The following OSBPL3 variants were observed in gnomAD, a reference collection of about 807,000 sequenced individuals.
OSBPL3 encodes the protein oxysterol-binding protein-related protein 3.
In OSBPL3, 65 loss-of-function variants were observed where a neutral mutation model predicts 120.1. The ratio of observed to expected loss-of-function variants is 0.54; its 90% CI spans 0.44 to 0.67. The LOEUF is 0.67. Ranked by LOEUF, OSBPL3 falls within the 30% of genes least tolerant of loss-of-function variation. OSBPL3 has a pLI of 0.00. For synonymous variants in OSBPL3, 416 were observed against 402.6 expected, an observed-to-expected ratio of 1.03 and a Z score of -0.40; for missense variants, 1,004 against 1,082.1, an observed-to-expected ratio of 0.93 and a Z score of 1.01.
chr7:24,860,291 T>C (rs1013007683), intron 10 of OSBPL3, among the ~76,000 whole-genome samples: 3 of 152,202 alleles, frequency 2.0e-5, no homozygotes, highest in Non-Finnish European at 4.4e-5. Flanking sequence ...AAAACATTTA[T>C]GTAAGTGGAA....
intron 20 of OSBPL3, among the ~76,000 whole-genome samples, 160 bp from the exon 21 acceptor site, chr7:24,807,062 T>G (rs1337026759): frequency 1.3e-5 from 2 of 152,240 alleles, no homozygotes; most frequent in African/African-American, 2.4e-5. Context: ...ACTGAACATT[T>G]CTCTATAAAT....
intron 5 of OSBPL3, among the ~76,000 whole-genome samples, chr7:24,868,431 C>T (rs138530383): frequency 1.3e-5 from 2 of 149,082 alleles, no homozygotes; most frequent in African/African-American, 5.0e-5. Context: ...ATGATAGATA[C>T]CCACATATTA....
At chr7:24,812,240 G>T (rs557318817) in intron 19 of OSBPL3, among the ~76,000 whole-genome samples, 1 of 150,524 alleles carries the variant, frequency 6.6e-6, no homozygotes, top group African/African-American at 2.4e-5. Context: ...CCGGGAGGCG[G>T]AAGTTGCTGT....
Position 24,892,447 on chromosome 7 carries a change from C to T in OSBPL3, c.26G>A (p.Gly9Asp), listed in dbSNP as rs770024340. ...AGGTGATACCAATTTTTGGGACACA[C>T]CAAGGTTCTTCTCATCACTCATCAT... Reference protein sequence around the residue: MMSDEKNLGVSQKLVSPSR... With the variant: MMSDEKNLDVSQKLVSPSR... Residue 9 changes from glycine (G) to aspartate (D), a missense_variant, in exon 2 of 23, where the codon GGT becomes GAT. Physicochemically the swap from Gly to Asp is moderately conservative, Grantham distance 94 (BLOSUM62 -1). Transcript: ENST00000313367. 14 of 1,613,516 alleles carry T rather than the reference C, an allele frequency of 8.7e-6. 1 individual carries two copies. The South Asian group carries it at 9.9e-5, about 11-fold the overall frequency.
At chr7:24,917,434 C>CAA (rs1809803998) in intron 1 of OSBPL3, among the ~76,000 whole-genome samples, 1 of 82,220 alleles carries the variant, frequency 1.2e-5, no homozygotes, top group African/African-American at 4.6e-5. Flanking sequence ...ATATTTGTAA[C>CAA]ATATATATAT....
rs1562990984 is a variant in OSBPL3, at chr7:24,938,833, G to GTGTGTGTGTT, written c.-150+41052_-150+41053insAACACACACA. Among the ~76,000 whole-genome samples the GTGTGTGTGTT allele has an allele frequency of 4.4e-5, 6 of 136,464 alleles. No homozygotes were observed. The highest frequency in any genetic ancestry group is 1.6e-4 in the African/African-American group (6 of 36,858). 89.5% of individuals were successfully genotyped at this position (136,464 alleles called of 152,430 possible). On this transcript the variant is annotated intron_variant, in intron 1 of 22. Coordinates refer to ENST00000313367, the MANE Select transcript of OSBPL3 (RefSeq NM_015550.4). The surrounding 1 kb of genome is among the most constrained non-coding windows in gnomAD (Gnocchi z 5.8). ...TGTGTGTGTGTGTGTGTGTGTGTGT[G>GTGTGTGTGTT]TTTTGAGAGCAAAACTAATGTGGCC...
chr7:24,845,409 A>G (rs921014055), intron 12 of OSBPL3, among the ~76,000 whole-genome samples: 5 of 147,602 alleles, frequency 3.4e-5, no homozygotes, highest in African/African-American at 5.0e-5. Context: ...AAAAAAAAAA[A>G]AAAAAGAAAA....
intron 2 of OSBPL3, among the ~76,000 whole-genome samples, chr7:24,889,045 T>C (rs1421312264): frequency 1.3e-5 from 2 of 152,136 alleles, no homozygotes; most frequent in Non-Finnish European, 1.5e-5. Flanking sequence ...ACTCCAAATA[T>C]GGCAAAAATA....
rs536254463 is a variant in OSBPL3 at position 24,884,582 on chromosome 7, A to T, written c.96+7795T>A. On this transcript the variant is annotated intron_variant, in intron 2 of 22. Transcript: ENST00000313367. ...TCCCAGCTGAAAAGATGAAGCAGGG[A>T]AGCAGCTGTGACATTGCTTAAGGGC... 2.6e-5 allele frequency among the ~76,000 whole-genome samples: 4 copies of T among 152,252 alleles called. No individual in the cohort carries two copies. In the East Asian group the frequency reaches 7.7e-4, roughly 29 times the overall value.
At chr7:24,889,407 A>G (rs1455423049) in intron 2 of OSBPL3, among the ~76,000 whole-genome samples, 2 of 152,208 alleles carry the variant, frequency 1.3e-5, no homozygotes, top group Non-Finnish European at 2.9e-5. Flanking sequence ...TGCATTATTC[A>G]CTTGAAATTG....
chr7:24,839,596 T>C (rs564972325), intron 14 of OSBPL3, among the ~76,000 whole-genome samples: 83 of 152,328 alleles, frequency 5.4e-4, no homozygotes, highest in Admixed American at 1.6e-3. Flanking sequence ...TCTTTTATTA[T>C]GTAAGTCCTA....
At chr7:24,843,295 G>C (rs1039459399) in intron 12 of OSBPL3, among the ~76,000 whole-genome samples, 1 of 152,194 alleles carries the variant, frequency 6.6e-6, no homozygotes, top group African/African-American at 2.4e-5. Flanking sequence ...GGGAGATTTT[G>C]TTTGAGGAGG....
intron 1 of OSBPL3, among the ~76,000 whole-genome samples, chr7:24,911,676 T>A (rs1057422258): frequency 1.3e-5 from 2 of 152,174 alleles, no homozygotes; most frequent in African/African-American, 4.8e-5. Flanking sequence ...TTTGGAGGTA[T>A]CCTTCCAAAA....
rs1197369599 is a variant in OSBPL3, at chr7:24,822,738, A to G, written c.1885-2500T>C. On this transcript the variant is annotated intron_variant, in intron 16 of 22. Transcript: ENST00000313367. The surrounding 1 kb of genome is among the most constrained non-coding windows in gnomAD (Gnocchi z 5.8). ...TTCTGTAATAATTTTAAACCCCATA[A>G]AACAGGGATAAATATACATCCATAT... is the stretch of plus-strand genomic sequence containing the variant. 6.6e-6 allele frequency among the ~76,000 whole-genome samples: 1 copy of G among 152,204 alleles called. No individual in the cohort carries two copies. Among genetic ancestry groups the G allele is most frequent in the Non-Finnish European group, 1.5e-5 (1 of 68,036 alleles).
At chr7:24,865,611 C>A in intron 6 of OSBPL3, 146 bp from the exon 7 acceptor site, 1 of 761,224 alleles carries the variant, frequency 1.3e-6, no homozygotes, top group Non-Finnish European at 2.1e-6. Flanking sequence ...AGTACTAAGA[C>A]CTCTGGCTAT....
chr7:24,875,382 T>C (rs1802705658), intron 2 of OSBPL3, among the ~76,000 whole-genome samples: 1 of 152,260 alleles, frequency 6.6e-6, no homozygotes, highest in African/African-American at 2.4e-5. Context: ...ACTTTCTATG[T>C]ATAGGTATAT....
At chr7:24,844,807 T>A (rs930261082) in intron 12 of OSBPL3, among the ~76,000 whole-genome samples, 1 of 151,838 alleles carries the variant, frequency 6.6e-6, no homozygotes, top group African/African-American at 2.4e-5. Flanking sequence ...CCTATTAACT[T>A]GCTGGTATTT....
At chr7:24,857,641 C>T (rs1449531334) in intron 10 of OSBPL3, among the ~76,000 whole-genome samples, 1 of 152,152 alleles carries the variant, frequency 6.6e-6, no homozygotes, top group Admixed American at 6.5e-5. Context: ...TTAGCCAGTA[C>T]AGAGGGAGCT....
chr7:24,824,061 CT>C lies in OSBPL3; in HGVS notation c.1885-3824del, dbSNP rs965823317. On this transcript the variant is annotated intron_variant, in intron 16 of 22. Coordinates refer to ENST00000313367, the MANE Select transcript of OSBPL3 (RefSeq NM_015550.4). This position sits in a 1 kb window ranked among gnomAD's most constrained non-coding sequence, Gnocchi z 4.9. The stretch of plus-strand genomic sequence containing the variant: ...GCCTGTTGAATAAACCCAATTTAGA[CT>C]TTTTTTTTAAGCATTCTTCCCTATC... Among the ~76,000 whole-genome samples the C allele has an allele frequency of 7.3e-5, 11 of 151,520 alleles. No homozygotes were observed. The highest frequency in any genetic ancestry group is 1.2e-4 in the Non-Finnish European group (8 of 67,856).
Sources: gnomAD v4.1 joint callset for allele counts (sites outside exome capture counted in the v4.1 genomes callset) on GRCh38, gnomAD v4.1.1 for gene constraint, Gnocchi (gnomAD v3.1) non-coding constraint, MANE v1.5 for transcripts, NCBI Gene and HGNC (gene_info 2026-07-23, HGNC 2026-07-21) for gene names.